The following LRRN4 variants were observed in gnomAD, a reference collection of about 807,000 sequenced individuals.
The protein encoded by LRRN4 is leucine rich repeat neuronal 4.
In LRRN4, 26 loss-of-function variants were observed where a neutral mutation model predicts 22.3. The observed-to-expected ratio is 1.16, with a 90% CI of 0.85 to 1.62. LRRN4 has a LOEUF of 1.62. LRRN4 is among the 40% of genes most tolerant of loss of function. LRRN4 has a pLI of 0.00. For missense variants in LRRN4, 1,070 were observed against 1,008.5 expected (o/e 1.06, Z -0.83); for synonymous variants, 496 against 486.2 (o/e 1.02, Z -0.26).
Position 6,041,719 on chromosome 20 carries a change from G to A in LRRN4, c.1526C>T (p.Ala509Val). Residue 509 changes from alanine to valine, a missense_variant, in exon 5 of 5, where the codon GCC (alanine) becomes GTC (valine). Transcript: ENST00000378858. This position sits in a 1 kb window ranked among gnomAD's most constrained non-coding sequence, Gnocchi z 9.4. The stretch of plus-strand genomic sequence containing the variant: ...GCCCTCGGAAAGACTCGGGTTGGGG[G>A]CTTGGGGTGTGGCGTGTGTCCTCTG... The part of the protein sequence containing the change: ...PGQRTHATPQ[A>V]PNPSLSEGEI... The A allele has an allele frequency of 3.7e-6, 6 of 1,613,592 alleles. No individual in the cohort carries two copies. The Middle Eastern group carries it at 5.0e-4, about 133-fold the overall frequency.
At position 6,041,793 on chromosome 20, in the gene LRRN4, G is replaced by A; in HGVS notation, c.1452C>T (p.Gly484=). The part of the protein sequence containing the change: ...ASTPLASKLL[G]PFPTSWDRSI... ...TGCGGTCCCACGAGGTAGGGAAGGG[G>A]CCCAGGAGCTTGCTGGCCAGTGGGG... Residue 484 remains glycine (G), a synonymous_variant, in exon 5 of 5, where the codon GGC becomes GGT. Coordinates refer to ENST00000378858, the MANE Select transcript of LRRN4 (RefSeq NM_152611.5). The surrounding 1 kb of genome is among the most constrained non-coding windows in gnomAD (Gnocchi z 9.4). 1 of 1,614,162 alleles carries A rather than the reference G, an allele frequency of 6.2e-7. No homozygotes were observed. The highest frequency in any genetic ancestry group is 1.3e-5 in the African/African-American group (1 of 75,064).
chr20:6,042,795 T>C (rs1460395338), intron 4 of LRRN4, among the ~76,000 whole-genome samples: 1 of 151,766 alleles, frequency 6.6e-6, no homozygotes, highest in East Asian at 1.9e-4. Flanking sequence ...GGCGGGTGCC[T>C]GTAATCCCAG....
rs1981230230 is a variant in LRRN4, at chr20:6,050,973, C to A, written c.666G>T (p.Gly222=). Residue 222 remains glycine, a synonymous_variant, in exon 3 of 5, where the codon GGG becomes GGT. Coordinates refer to ENST00000378858, the MANE Select transcript of LRRN4 (RefSeq NM_152611.5). The part of the protein sequence containing the change: ...SGTFLERVES[G]WIRDLPKLTS... ...TGAGCTTCGGCAGGTCTCTGATCCA[C>A]CCTGACTCAACTGAAACACAGAAGG... 6.2e-7 allele frequency: 1 copy of A among 1,613,782 alleles called. No homozygotes were observed. The highest frequency in any genetic ancestry group is 1.3e-5 in the African/African-American group (1 of 74,932).
In LRRN4 at chr20:6,041,076, G is replaced by A. The variant is rs376508557; in HGVS notation, c.2169C>T (p.Ala723=). ...GLQRCDTHLV[A]YKNPAFDDYP... is the part of the protein sequence containing the mutation. Reference sequence around the variant, plus strand: ...AATCATCAAAGGCCGGGTTTTTGTAGGCCACCAGGTGCGTGTCGCAGCGCT... The same window carrying A: ...AATCATCAAAGGCCGGGTTTTTGTAAGCCACCAGGTGCGTGTCGCAGCGCT... Residue 723 remains alanine, a synonymous_variant, in exon 5 of 5, where the codon GCC becomes GCT. Transcript: ENST00000378858. The surrounding 1 kb of genome is among the most constrained non-coding windows in gnomAD (Gnocchi z 9.4). 29 of 1,613,796 alleles carry A rather than the reference G, an allele frequency of 1.8e-5. No homozygotes were observed. In the African/African-American group the frequency reaches 3.9e-4, roughly 22 times the overall value.
chr20:6,049,393 G>A lies in LRRN4; in HGVS notation c.860+1386C>T, dbSNP rs528457571. Among the ~76,000 whole-genome samples, 3 of 152,238 alleles carry A rather than the reference G, an allele frequency of 2.0e-5. No individual in the cohort carries two copies. The South Asian group carries it at 6.2e-4, about 32-fold the overall frequency. On this transcript the variant is annotated intron_variant, in intron 3 of 4. Coordinates refer to ENST00000378858, the MANE Select transcript of LRRN4 (RefSeq NM_152611.5). The stretch of plus-strand genomic sequence containing the variant: ...TGAAAGCAGTGGCCATGTTGTCAAC[G>A]TCACCATCACCAAAGTCATCATGAC...
In LRRN4 at chr20:6,050,766, C is replaced by T. The variant is rs1458376191; in HGVS notation, c.860+13G>A. On this transcript the variant is annotated intron_variant, in intron 3 of 4. Coordinates refer to ENST00000378858, the MANE Select transcript of LRRN4 (RefSeq NM_152611.5). ...TCAGTCATGTGATGAAGATGTGCCT[C>T]AGAAGCACTTACTTCTGGAACAGAA... 1.2e-6 allele frequency: 2 copies of T among 1,612,564 alleles called. No individual in the cohort carries two copies. The highest frequency in any genetic ancestry group is 1.7e-6 in the Non-Finnish European group (2 of 1,178,986).
In LRRN4 at chr20:6,042,219, A is replaced by C; in HGVS notation, c.1026T>G (p.Ala342=). 1.2e-6 allele frequency: 2 copies of C among 1,612,938 alleles called. No individual in the cohort carries two copies. The highest frequency in any genetic ancestry group is 1.3e-5 in the African/African-American group (1 of 75,052). Reference sequence around the variant, plus strand: ...CTGAGAAGGGGCCGCTGGATCCCGCAGCTGGCGCGCACATAGTGTCTGCTG... The same window carrying C: ...CTGAGAAGGGGCCGCTGGATCCCGCCGCTGGCGCGCACATAGTGTCTGCTG... ...SRAADTMCAP[A]AGSSGPFSAS... Residue 342 remains alanine, a synonymous_variant, in exon 5 of 5, where the codon GCT becomes GCG. Coordinates refer to ENST00000378858, the MANE Select transcript of LRRN4 (RefSeq NM_152611.5).
In LRRN4 at chr20:6,052,397, C is replaced by A. The variant is rs1424679960; in HGVS notation, c.403G>T (p.Ala135Ser). 2 of 1,530,912 alleles carry A rather than the reference C, an allele frequency of 1.3e-6. No homozygotes were observed. The highest frequency in any genetic ancestry group is 2.8e-5 in the African/African-American group (2 of 70,404). The allele number at this position is 1,530,912 out of a possible 1,614,324, so 94.8% of individuals were successfully genotyped here. A position where few individuals can be genotyped will look rare whatever the true frequency, so the allele number is the denominator to read the frequency against. ...GGCCCGGTGCACGGCGGCAGAGCGG[C>A]CAGCTGGTTGTAGCTGAGGTCCAGG... ...HTLDLSYNQL[A>S]ALPPCTGPAL... Residue 135 changes from alanine to serine, a missense_variant, in exon 2 of 5, where the codon GCC (alanine) becomes TCC (serine). Coordinates refer to ENST00000378858, the MANE Select transcript of LRRN4 (RefSeq NM_152611.5).
rs894415422 is a variant in LRRN4 at position 6,045,229 on chromosome 20, A to G, written c.861-549T>C. Among the ~76,000 whole-genome samples, 2 of 148,450 alleles carry G rather than the reference A, an allele frequency of 1.3e-5. 1 individual carries two copies. The highest frequency in any genetic ancestry group is 4.9e-5 in the African/African-American group (2 of 40,864). ...CAAGGCAGGTGGATTATTTGAGGTT[A>G]GGAGTTCGAGACCAGCCTGGCCAAC... On this transcript the variant is annotated intron_variant, in intron 3 of 4. Coordinates refer to ENST00000378858, the MANE Select transcript of LRRN4 (RefSeq NM_152611.5).
At position 6,042,108 on chromosome 20, in the gene LRRN4, G is replaced by A. The variant is rs762150923; in HGVS notation, c.1137C>T (p.Asn379=). ...TGGTACCCTGTGCGTAGGTGGAGCG[G>A]TTGAAGCAAGGTGGGTGTGAAGCCC... ...TLGASHPPCF[N]RSTYAQGTTV... Residue 379 remains asparagine, a synonymous_variant, in exon 5 of 5, where the codon AAC becomes AAT. Transcript: ENST00000378858. The A allele has an allele frequency of 2.7e-5, 44 of 1,614,062 alleles. No homozygotes were observed. The highest frequency in any genetic ancestry group is 3.6e-5 in the Non-Finnish European group (43 of 1,180,020).
rs1346696414 is a variant in LRRN4, at chr20:6,045,878, T to C, written c.861-1198A>G. Among the ~76,000 whole-genome samples the C allele has an allele frequency of 4.0e-5, 6 of 148,726 alleles. 2 individuals carry two copies. The highest frequency in any genetic ancestry group is 9.0e-5 in the Non-Finnish European group (6 of 66,514). Reference sequence around the variant, plus strand: ...GCTTATTCACATGGTAGTGGAGGGATCCCCAATAGCAGGAGAGGGCAGGCC... The same window carrying C: ...GCTTATTCACATGGTAGTGGAGGGACCCCCAATAGCAGGAGAGGGCAGGCC... On this transcript the variant is annotated intron_variant, in intron 3 of 4. Transcript: ENST00000378858.
Position 6,042,045 on chromosome 20 carries a change from C to T in LRRN4, c.1200G>A (p.Ala400=). Residue 400 remains alanine, a synonymous_variant, in exon 5 of 5, where the codon GCG becomes GCA. Transcript: ENST00000378858. ...CCTTGGAGACACTCTGCTGGTCTCC[C>T]GCAGGCCGGGTGGCGGGGGCTGCGC... is the stretch of plus-strand genomic sequence containing the variant. The part of the protein sequence containing the change: ...APSAAPATRP[A]GDQQSVSKAP... 2 of 1,613,924 alleles carry T rather than the reference C, an allele frequency of 1.2e-6. No individual in the cohort carries two copies. Among genetic ancestry groups the T allele is most frequent in the Non-Finnish European group, 1.7e-6 (2 of 1,179,950 alleles).
chr20:6,049,589 T>G (rs1273930927), intron 3 of LRRN4, among the ~76,000 whole-genome samples: 3 of 152,044 alleles, frequency 2.0e-5, no homozygotes, highest in African/African-American at 7.2e-5. Context: ...CAACCTCCAC[T>G]TCCCAGGATC....
intron 1 of LRRN4, 23 bp from the exon 2 acceptor site, chr20:6,052,827 C>G: frequency 6.5e-7 from 1 of 1,530,260 alleles, no homozygotes; most frequent in South Asian, 1.2e-5. Flanking sequence ...CAGCAGGACG[C>G]CCATCAAATC....
chr20:6,042,153 G>A lies in LRRN4; in HGVS notation c.1092C>T (p.Ser364=), dbSNP rs751356312. ...AAGCCCCGAGAGTGGTGCTTTGGTCGGACTGGCACACTCCGGGCAGCTGGG... is the reference window on the plus strand; with the variant it reads ...AAGCCCCGAGAGTGGTGCTTTGGTCAGACTGGCACACTCCGGGCAGCTGGG... ...SLSQLPGVCQ[S]DQSTTLGASH... The change falls in exon 5 of 5, where the codon TCC becomes TCT. Residue 364 remains serine, a synonymous_variant. Coordinates refer to ENST00000378858, the MANE Select transcript of LRRN4 (RefSeq NM_152611.5). 2.5e-6 allele frequency: 4 copies of A among 1,614,058 alleles called. No individual in the cohort carries two copies. Among genetic ancestry groups the A allele is most frequent in the East Asian group, 4.5e-5 (2 of 44,892 alleles).
At chr20:6,046,464 C>A (rs1407388757) in intron 3 of LRRN4, among the ~76,000 whole-genome samples, 2 of 148,734 alleles carry the variant, frequency 1.3e-5, no homozygotes, top group African/African-American at 2.4e-5. Context: ...CTCTTTCTCA[C>A]CCAGAGTCTC....
chr20:6,048,671 C>G (rs6076920), intron 3 of LRRN4, among the ~76,000 whole-genome samples: 15,026 of 152,224 alleles, frequency 0.099, 891 homozygotes, highest in Middle Eastern at 0.21. Context: ...CACAGTACAA[C>G]AGGTTCGTGT....
intron 3 of LRRN4, 84 bp from the exon 4 acceptor site, chr20:6,044,764 C>A (rs1600405171): frequency 1.6e-6 from 2 of 1,260,756 alleles, no homozygotes; most frequent in East Asian, 2.9e-5. Flanking sequence ...GTGTCAGAAC[C>A]ATGCCCATGG....
At position 6,052,742 on chromosome 20, in the gene LRRN4, G is replaced by A; in HGVS notation, c.58C>T (p.Pro20Ser). The A allele has an allele frequency of 6.4e-7, 1 of 1,572,374 alleles. No homozygotes were observed. Residue 20 changes from proline (P) to serine (S), a missense_variant, in exon 2 of 5, where the codon CCT becomes TCT. Transcript: ENST00000378858. ...AAGAGCGGGACCTTCTCCTGGGGAG[G>A]GTCTGCCCAGCTGGGGCGCAGCACC... ...LTVLRPSWAD[P>S]PQEKVPLFRV...
Sources: allele counts gnomAD v4.1 joint callset (sites outside exome capture counted in the v4.1 genomes callset), GRCh38; gene constraint gnomAD v4.1.1; non-coding constraint Gnocchi (gnomAD v3.1); transcripts MANE v1.5; gene names NCBI Gene and HGNC (gene_info 2026-07-23, HGNC 2026-07-21).